The following TBX5 variants were observed in gnomAD, a reference collection of about 807,000 sequenced individuals.
The protein encoded by TBX5 is T-box transcription factor TBX5.
A neutral mutation model predicts 51.1 loss-of-function variants in TBX5; 8 were observed. That is an observed-to-expected ratio of 0.16 (90% CI 0.09 to 0.28). TBX5 has a LOEUF of 0.28. TBX5 is among the 10% of genes least tolerant of loss of function. The pLI is 1.00. For synonymous variants in TBX5, 302 were observed against 266.4 expected (o/e 1.13, Z -1.30); for missense variants, 589 against 671.7 (o/e 0.88, Z 1.36).
chr12:114,402,107 C>T lies in TBX5; in HGVS notation c.148-187G>A, dbSNP rs887365068. Among the ~76,000 whole-genome samples, 6 of 152,186 alleles carry T rather than the reference C, an allele frequency of 3.9e-5. No individual in the cohort carries two copies. In the South Asian group the frequency reaches 6.2e-4, roughly 16 times the overall value. The stretch of plus-strand genomic sequence containing the variant: ...ACCCAACAGCCTCTGCCCAGGGATC[C>T]CTATGTAGGCTGAATCCCTGAGGGT... On this transcript the variant is annotated intron_variant, in intron 2 of 8. Transcript: ENST00000405440.
At chr12:114,380,059 C>T (rs1870419648) in intron 7 of TBX5, among the ~76,000 whole-genome samples, 1 of 152,120 alleles carries the variant, frequency 6.6e-6, no homozygotes, top group African/African-American at 2.4e-5. Flanking sequence ...GACTTTTAGA[C>T]CCTTGCCCAC....
At chr12:114,358,080 C>A (rs1012589133) in intron 8 of TBX5, among the ~76,000 whole-genome samples, 3 of 152,236 alleles carry the variant, frequency 2.0e-5, no homozygotes, top group Non-Finnish European at 4.4e-5. Context: ...CCCAAGGTCA[C>A]ATGGCTGAGA....
chr12:114,388,729 C>T (rs988773569), intron 6 of TBX5, among the ~76,000 whole-genome samples: 2 of 143,606 alleles, frequency 1.4e-5, no homozygotes, highest in South Asian at 2.3e-4. Flanking sequence ...CACATTCTCC[C>T]TCCCTCAACC....
chr12:114,382,956 G>A (rs1156949723), intron 7 of TBX5, among the ~76,000 whole-genome samples: 7 of 144,964 alleles, frequency 4.8e-5, no homozygotes, highest in African/African-American at 1.3e-4. Context: ...CAGCCTGAGC[G>A]ACAGAGTGAG....
intron 6 of TBX5, among the ~76,000 whole-genome samples, chr12:114,387,958 T>C (rs1030850288): frequency 1.3e-5 from 2 of 152,164 alleles, no homozygotes; most frequent in South Asian, 2.1e-4. Context: ...TGCCTCGGCA[T>C]CCCGAGCAGC....
intron 7 of TBX5, among the ~76,000 whole-genome samples, chr12:114,371,878 G>A (rs12320320): frequency 0.25 from 38,179 of 151,966 alleles, 5,140 homozygotes; most frequent in East Asian, 0.38. Flanking sequence ...CACACCCAAG[G>A]CTGGATTTCG....
intron 7 of TBX5, among the ~76,000 whole-genome samples, chr12:114,374,499 G>A (rs1565931041): frequency 6.6e-6 from 1 of 152,182 alleles, no homozygotes; most frequent in Non-Finnish European, 1.5e-5. Flanking sequence ...TCCACAAAGA[G>A]TATACACTGG....
At chr12:114,360,376 A>ATGGG (rs1466059145) in intron 8 of TBX5, among the ~76,000 whole-genome samples, 3 of 61,134 alleles carry the variant, frequency 4.9e-5, no homozygotes, top group African/African-American at 6.5e-5. Flanking sequence ...GGATAGATGT[A>ATGGG]TGGGTGGGTG....
chr12:114,380,461 C>G (rs959191694), intron 7 of TBX5, among the ~76,000 whole-genome samples: 8 of 152,204 alleles, frequency 5.3e-5, no homozygotes, highest in Non-Finnish European at 1.2e-4. Context: ...CCTTAACTCC[C>G]CTCCCTTCCT....
At chr12:114,395,001 GA>G in intron 5 of TBX5, 108 bp from the exon 6 acceptor site, 1 of 1,058,436 alleles carries the variant, frequency 9.4e-7, no homozygotes, top group Non-Finnish European at 1.4e-6. Flanking sequence ...ATCGGCTCTC[GA>G]AAAATAGATA....
chr12:114,381,887 C>T (rs1870522707), intron 7 of TBX5, among the ~76,000 whole-genome samples: 1 of 152,176 alleles, frequency 6.6e-6, no homozygotes, highest in South Asian at 2.1e-4. Flanking sequence ...CTAACATGGC[C>T]ACAAAGACAC....
rs962426589 is a variant in TBX5 at position 114,365,466 on chromosome 12, T to C, written c.982+699A>G. Among the ~76,000 whole-genome samples, 5 of 151,982 alleles carry C rather than the reference T, an allele frequency of 3.3e-5. No individual in the cohort carries two copies. In the East Asian group the frequency reaches 7.7e-4, roughly 23 times the overall value. On this transcript the variant is annotated intron_variant, in intron 8 of 8. Coordinates refer to ENST00000405440, the MANE Select transcript of TBX5 (RefSeq NM_181486.4). ...ATAAAAAGATACCCAAAACACATTCTAAAGTTTAAAAGAAAAAAAACAGCA... is the reference window on the plus strand; with the variant it reads ...ATAAAAAGATACCCAAAACACATTCCAAAGTTTAAAAGAAAAAAAACAGCA...
At chr12:114,373,002 A>T (rs1870001298) in intron 7 of TBX5, among the ~76,000 whole-genome samples, 1 of 151,824 alleles carries the variant, frequency 6.6e-6, no homozygotes, top group Non-Finnish European at 1.5e-5. Flanking sequence ...ACACACACAC[A>T]CACACACACA....
chr12:114,357,875 C>T (rs1206011054), intron 8 of TBX5, among the ~76,000 whole-genome samples: 1 of 152,186 alleles, frequency 6.6e-6, no homozygotes, highest in Non-Finnish European at 1.5e-5. Flanking sequence ...CTGGGGCATC[C>T]ATGCAACTCA....
rs145818626 is a variant in TBX5 at position 114,398,497 on chromosome 12, G to A, written c.510+76C>T. 2.0e-5 allele frequency: 31 copies of A among 1,563,100 alleles called. No homozygotes were observed. The East Asian group carries it at 5.2e-4, about 26-fold the overall frequency. ...AATGTAGGCACACAGAGCCAAGAAG[G>A]GAGAGAAACCCAGTGAGAAGAAGGG... On this transcript the variant is annotated intron_variant, in intron 5 of 8. Coordinates refer to ENST00000405440, the MANE Select transcript of TBX5 (RefSeq NM_181486.4).
At chr12:114,389,753 CAAAAAAAAAAAAAAAAAAA>C (rs55649814) in intron 6 of TBX5, among the ~76,000 whole-genome samples, 6 of 40,244 alleles carry the variant, frequency 1.5e-4, no homozygotes, top group African/African-American at 2.8e-4. Context: ...GACTCCGTCT[CAAAAAAAAAAAAAAAAAAA>C]AAAAAAAAAA....
At chr12:114,370,287 AGAAAGAAAAG>A (rs1290091269) in intron 7 of TBX5, among the ~76,000 whole-genome samples, 20 of 40,756 alleles carry the variant, frequency 4.9e-4, no homozygotes, top group Non-Finnish European at 1.0e-3. Context: ...AGAAAAGAAA[AGAAAGAAAAG>A]AAAAGAAAAG....
chr12:114,385,345 C>T, intron 7 of TBX5, 131 bp downstream of exon 7: 1 of 809,180 alleles, frequency 1.2e-6, no homozygotes, highest in Non-Finnish European at 2.1e-6. Flanking sequence ...GGCTCATTCT[C>T]CCCATTTCCA....
intron 3 of TBX5, among the ~76,000 whole-genome samples, chr12:114,400,139 C>T (rs1250951885): frequency 3.3e-5 from 5 of 152,148 alleles, no homozygotes; most frequent in Non-Finnish European, 1.5e-5. Flanking sequence ...GCCCAGGCTT[C>T]CCGACCTTGC....
Sources: gnomAD v4.1 joint callset for allele counts (sites outside exome capture counted in the v4.1 genomes callset) on GRCh38, gnomAD v4.1.1 for gene constraint, MANE v1.5 for transcripts, NCBI Gene and HGNC (gene_info 2026-07-23, HGNC 2026-07-21) for gene names.